Variants in TLE4 observed in about 807,000 individuals in gnomAD.
The protein encoded by TLE4 is TLE family member 4, transcriptional corepressor, also known as transducin-like enhancer protein 4.
Under a neutral mutation model 92.8 loss-of-function variants are expected in TLE4, and 8 were observed. The ratio of observed to expected loss-of-function variants is 0.09; its 90% CI spans 0.05 to 0.16. The LOEUF is 0.16. Ranked by LOEUF, TLE4 falls within the 10% of genes least tolerant of loss-of-function variation. The pLI, the probability that TLE4 is intolerant of heterozygous loss-of-function variation, is 1.00. For synonymous variants in TLE4, 371 were observed against 374.1 expected (o/e 0.99, Z 0.10); for missense variants, 675 against 997.6 (o/e 0.68, Z 4.36).
chr9:79,705,783 T>C, intron 9 of TLE4, 106 bp from the exon 10 acceptor site: 1 of 1,115,628 alleles, frequency 9.0e-7, no homozygotes, highest in Non-Finnish European at 1.4e-6. Flanking sequence ...CACTGTTTGG[T>C]ACAGCTCATC....
In TLE4 at chr9:79,606,187, G is replaced by GTTT. The variant is rs71364420; in HGVS notation, c.253-6433_253-6431dup. On this transcript the variant is annotated intron_variant, in intron 4 of 19. Coordinates refer to ENST00000376552, the MANE Select transcript of TLE4 (RefSeq NM_007005.6). The stretch of plus-strand genomic sequence containing the variant: ...ATTGCTTTATTAAGCAGTAGTAGTT[G>GTTT]TTTTTTTTTTTTTTTTTTTTTTTTT... Among the ~76,000 whole-genome samples, 174 of 28,710 alleles carry GTTT rather than the reference G, an allele frequency of 6.1e-3. 76 individuals are homozygous for GTTT. Among genetic ancestry groups the GTTT allele is most frequent in the East Asian group, 9.7e-3 (10 of 1,034 alleles). 18.8% of individuals were successfully genotyped at this position (28,710 alleles called of 152,430 possible).
chr9:79,632,041 C>G (rs1174009939), intron 6 of TLE4, among the ~76,000 whole-genome samples: 2 of 152,170 alleles, frequency 1.3e-5, no homozygotes, highest in Non-Finnish European at 2.9e-5. Context: ...TCCTTTCTCT[C>G]TAGCCCTTGC....
At chr9:79,683,859 T>C (rs1037471074) in intron 8 of TLE4, among the ~76,000 whole-genome samples, 1 of 152,158 alleles carries the variant, frequency 6.6e-6, no homozygotes, top group African/African-American at 2.4e-5. Flanking sequence ...AAATAAAGTT[T>C]TGTGGAGGGC....
chr9:79,622,792 A>G (rs903335621), intron 5 of TLE4, among the ~76,000 whole-genome samples: 3 of 152,172 alleles, frequency 2.0e-5, no homozygotes, highest in African/African-American at 7.2e-5. Context: ...TGCCGCGGGA[A>G]GTGCGCTGGC....
intron 8 of TLE4, among the ~76,000 whole-genome samples, chr9:79,660,065 C>T (rs1245484090): frequency 6.6e-6 from 1 of 152,190 alleles, no homozygotes; most frequent in Non-Finnish European, 1.5e-5. Flanking sequence ...AAGGAAAAGG[C>T]TTTTCCTGGT....
intron 4 of TLE4, among the ~76,000 whole-genome samples, chr9:79,606,115 T>C (rs2046787984): frequency 6.6e-6 from 1 of 150,488 alleles, no homozygotes. Flanking sequence ...AGGAACCTGA[T>C]AGATGGCCTA....
chr9:79,590,784 ACTTT>A (rs755042682), intron 4 of TLE4, among the ~76,000 whole-genome samples: 9 of 152,140 alleles, frequency 5.9e-5, no homozygotes, highest in African/African-American at 2.2e-4. Context: ...CTTTTTTGCC[ACTTT>A]CTTTCTGTTT....
intron 6 of TLE4, among the ~76,000 whole-genome samples, chr9:79,630,051 CTT>C (rs1390277452): frequency 1.3e-5 from 2 of 152,082 alleles, no homozygotes; most frequent in African/African-American, 4.8e-5. Context: ...GACAGTTTTC[CTT>C]TGAGAGGCAA....
Position 79,574,951 on chromosome 9 carries a change from T to C in TLE4, c.207+15T>C. ...ATTATGTCATGGTAAGAAAACCATG[T>C]CACAGATTCAAAGTGCCTATTAGTT... On this transcript the variant is annotated intron_variant, in intron 3 of 19. Coordinates refer to ENST00000376552, the MANE Select transcript of TLE4 (RefSeq NM_007005.6). The C allele has an allele frequency of 6.2e-7, 1 of 1,610,046 alleles. No homozygotes were observed. The highest frequency in any genetic ancestry group is 8.5e-7 in the Non-Finnish European group (1 of 1,176,534).
chr9:79,704,989 C>T (rs2071109592), intron 9 of TLE4, 87 bp downstream of exon 9: 3 of 1,548,936 alleles, frequency 1.9e-6, no homozygotes, highest in East Asian at 4.5e-5. Flanking sequence ...CCAGCCAACA[C>T]AGGAACACAG....
intron 8 of TLE4, among the ~76,000 whole-genome samples, chr9:79,678,034 G>T (rs2063608320): frequency 6.6e-6 from 1 of 152,074 alleles, no homozygotes; most frequent in South Asian, 2.1e-4. Flanking sequence ...TGATGTCATT[G>T]CTAAACAAAT....
rs1448335159 is a variant in TLE4 at position 79,704,618 on chromosome 9, C to T, written c.610-165C>T. On this transcript the variant is annotated intron_variant, in intron 8 of 19. Transcript: ENST00000376552. ...GCTACTTGTCTTTCCCTTTATATCC[C>T]TGTTTTCTTCCTTTCGTCTCCTCCG... 2.2e-5 allele frequency: 18 copies of T among 831,790 alleles called. No homozygotes were observed. The East Asian group carries it at 3.8e-4, about 17-fold the overall frequency. 51.5% of individuals were successfully genotyped at this position (831,790 alleles called of 1,614,324 possible). A position where few individuals can be genotyped will look rare whatever the true frequency, so the allele number is the denominator to read the frequency against.
chr9:79,648,865 G>A (rs959592550), intron 6 of TLE4, among the ~76,000 whole-genome samples: 1 of 152,138 alleles, frequency 6.6e-6, no homozygotes, highest in Non-Finnish European at 1.5e-5. Flanking sequence ...TAGAATGGGG[G>A]TGTCAAAGTT....
intron 8 of TLE4, among the ~76,000 whole-genome samples, chr9:79,695,356 C>T (rs1343638064): frequency 6.6e-6 from 1 of 151,778 alleles, no homozygotes; most frequent in African/African-American, 2.4e-5. Context: ...ATATCTCACA[C>T]ACACACACAC....
At chr9:79,675,739 T>G (rs542418310) in intron 8 of TLE4, among the ~76,000 whole-genome samples, 40 of 152,304 alleles carry the variant, frequency 2.6e-4, no homozygotes, top group Admixed American at 2.3e-3. Context: ...AACACAGTCC[T>G]CAGCTTTACA....
rs780433127 is a variant in TLE4 at position 79,718,821 on chromosome 9, G to A, written c.1440G>A (p.Gln480=). 3.7e-6 allele frequency: 6 copies of A among 1,614,050 alleles called. No homozygotes were observed. Among genetic ancestry groups the A allele is most frequent in the Non-Finnish European group, 2.5e-6 (3 of 1,180,046 alleles). The change falls in exon 15 of 20, where the codon CAG becomes CAA. Residue 480 remains glutamine (Q), a synonymous_variant. Coordinates refer to ENST00000376552, the MANE Select transcript of TLE4 (RefSeq NM_007005.6). ...IGPGIPRHAR[Q]INTLNHGEVV... is the part of the protein sequence containing the mutation. ...CTGGAATCCCCCGGCATGCTCGCCAGATCAACACCCTCAACCACGGGGAGG... is the reference window on the plus strand; with the variant it reads ...CTGGAATCCCCCGGCATGCTCGCCAAATCAACACCCTCAACCACGGGGAGG...
chr9:79,665,253 A>AC (rs1302820008), intron 8 of TLE4, among the ~76,000 whole-genome samples: 1 of 152,208 alleles, frequency 6.6e-6, no homozygotes, highest in Admixed American at 6.5e-5. Context: ...TGACAGATGA[A>AC]CTTGCAGTCC....
At chr9:79,662,884 G>T (rs2060756260) in intron 8 of TLE4, among the ~76,000 whole-genome samples, 2 of 152,060 alleles carry the variant, frequency 1.3e-5, no homozygotes, top group Admixed American at 1.3e-4. Flanking sequence ...TGCTTCTATT[G>T]ATCTATTCAC....
chr9:79,586,396 C>T (rs1489936951), intron 4 of TLE4, among the ~76,000 whole-genome samples: 3 of 151,878 alleles, frequency 2.0e-5, no homozygotes, highest in African/African-American at 4.8e-5. Flanking sequence ...TGTGTGACTT[C>T]TGAAATTGTA....
Sources: allele counts gnomAD v4.1 joint callset (sites outside exome capture counted in the v4.1 genomes callset), GRCh38; gene constraint gnomAD v4.1.1; transcripts MANE v1.5; gene names NCBI Gene and HGNC (gene_info 2026-07-23, HGNC 2026-07-21).